Variants in EPHA6 observed in about 807,000 individuals in gnomAD.
EPHA6 encodes ephrin type-A receptor 6.
A neutral mutation model predicts 112.0 loss-of-function variants in EPHA6; 50 were observed. The ratio of observed to expected loss-of-function variants is 0.45; its 90% CI spans 0.36 to 0.56. The LOEUF is 0.56. Ranked by LOEUF, EPHA6 falls within the 20% of genes least tolerant of loss-of-function variation. EPHA6 has a pLI of 0.00. For missense variants in EPHA6, 1,280 were observed against 1,417.4 expected (o/e 0.90, Z 1.56); for synonymous variants, 529 against 490.7 (o/e 1.08, Z -1.03).
chr3:96,871,422 A>G (rs2036616279), intron 2 of EPHA6, among the ~76,000 whole-genome samples: 1 of 152,012 alleles, frequency 6.6e-6, no homozygotes, highest in Non-Finnish European at 1.5e-5. Context: ...AACCCCAAAT[A>G]TTTTAAAGAA....
chr3:97,465,328 A>T (rs2091017585), intron 7 of EPHA6, among the ~76,000 whole-genome samples: 1 of 152,104 alleles, frequency 6.6e-6, no homozygotes. Flanking sequence ...AGTAGTAAAT[A>T]GTAGGGCAAT....
intron 3 of EPHA6, among the ~76,000 whole-genome samples, chr3:97,048,989 C>A (rs908738273): frequency 2.0e-5 from 3 of 152,038 alleles, no homozygotes; most frequent in African/African-American, 7.2e-5. Flanking sequence ...GTGAGGGAGT[C>A]CCCTGGGATA....
chr3:97,476,646 A>G (rs771957280), intron 8 of EPHA6, among the ~76,000 whole-genome samples: 1 of 152,144 alleles, frequency 6.6e-6, no homozygotes, highest in Non-Finnish European at 1.5e-5. Flanking sequence ...AGTACTTTGC[A>G]TGTATCAAAT....
chr3:96,989,827 A>G (rs2043152345), intron 3 of EPHA6, among the ~76,000 whole-genome samples: 1 of 152,116 alleles, frequency 6.6e-6, no homozygotes, highest in Admixed American at 6.6e-5. Flanking sequence ...CCATGATTCA[A>G]TCACTTCCCA....
chr3:96,922,289 T>C (rs2039807610), intron 2 of EPHA6, among the ~76,000 whole-genome samples: 1 of 152,196 alleles, frequency 6.6e-6, no homozygotes, highest in Non-Finnish European at 1.5e-5. Flanking sequence ...ACCACTGTTT[T>C]TCAGAACTTA....
intron 5 of EPHA6, among the ~76,000 whole-genome samples, chr3:97,349,412 A>G (rs1352705398): frequency 6.6e-6 from 1 of 151,888 alleles, no homozygotes; most frequent in Non-Finnish European, 1.5e-5. Flanking sequence ...CTAATCAACA[A>G]CTCCTCACAC....
At chr3:96,962,242 G>A (rs1031226583) in intron 2 of EPHA6, among the ~76,000 whole-genome samples, 7 of 152,000 alleles carry the variant, frequency 4.6e-5, no homozygotes. Flanking sequence ...ATCTCCCACA[G>A]AACAGTGAAA....
At chr3:97,498,538 A>C (rs1242514856) in intron 10 of EPHA6, among the ~76,000 whole-genome samples, 1 of 152,132 alleles carries the variant, frequency 6.6e-6, no homozygotes, top group Non-Finnish European at 1.5e-5. Flanking sequence ...AGTAAATTTG[A>C]AAGTACAATT....
Position 97,758,904 on chromosome 3 carries a change from A to C in EPHA6, c.*10203A>C, listed in dbSNP as rs1293953305. On this transcript the variant is annotated 3_prime_UTR_variant, in exon 18 of 18. Coordinates refer to ENST00000389672, the MANE Select transcript of EPHA6 (RefSeq NM_001080448.3). ...TACACTGAAATGAGGCAAAAAGAGG[A>C]GAAGGTATACGCATGAGGCTACTGG... 6.6e-6 allele frequency among the ~76,000 whole-genome samples: 1 copy of C among 151,964 alleles called. No individual in the cohort carries two copies. The highest frequency in any genetic ancestry group is 1.5e-5 in the Non-Finnish European group (1 of 67,876).
At chr3:97,557,215 G>A (rs556833158) in intron 11 of EPHA6, among the ~76,000 whole-genome samples, 31 of 152,040 alleles carry the variant, frequency 2.0e-4, no homozygotes, top group African/African-American at 7.2e-4. Flanking sequence ...TAGCAATTTA[G>A]AATTCTTCTG....
chr3:97,065,070 A>G (rs1047904507), intron 3 of EPHA6, among the ~76,000 whole-genome samples: 1 of 152,136 alleles, frequency 6.6e-6, no homozygotes, highest in Non-Finnish European at 1.5e-5. Context: ...TATGAAAATT[A>G]ATACCTTAAG....
chr3:97,475,155 A>T (rs2091333532), intron 7 of EPHA6, among the ~76,000 whole-genome samples, 197 bp from the exon 8 acceptor site: 1 of 152,032 alleles, frequency 6.6e-6, no homozygotes, highest in African/African-American at 2.4e-5. Context: ...GTTGTGGGTT[A>T]TGGCCCCAAC....
At chr3:97,579,898 T>C (rs1036544850) in intron 11 of EPHA6, among the ~76,000 whole-genome samples, 1 of 152,134 alleles carries the variant, frequency 6.6e-6, no homozygotes, top group East Asian at 1.9e-4. Context: ...AAAAAAACTA[T>C]TAACACAACA....
At chr3:96,993,382 C>T (rs528103392) in intron 3 of EPHA6, among the ~76,000 whole-genome samples, 6 of 151,704 alleles carry the variant, frequency 4.0e-5, no homozygotes, top group African/African-American at 1.2e-4. Context: ...CTGCAACTTC[C>T]GCCTCCTGGG....
intron 10 of EPHA6, among the ~76,000 whole-genome samples, chr3:97,515,887 T>C (rs2092440455): frequency 6.6e-6 from 1 of 152,016 alleles, no homozygotes; most frequent in Non-Finnish European, 1.5e-5. Flanking sequence ...AAAATGATGT[T>C]TTTTTCTTAA....
chr3:97,629,035 A>T (rs2093881724), intron 13 of EPHA6, among the ~76,000 whole-genome samples: 1 of 151,924 alleles, frequency 6.6e-6, no homozygotes, highest in Admixed American at 6.6e-5. Context: ...TGGGCTTGAA[A>T]TTCTCCCAAC....
intron 2 of EPHA6, among the ~76,000 whole-genome samples, chr3:96,941,994 T>A (rs1018459305): frequency 2.6e-5 from 4 of 152,182 alleles, no homozygotes; most frequent in African/African-American, 9.7e-5. Flanking sequence ...CAGAGGAGTA[T>A]GCAGTCGTGT....
chr3:97,749,883 T>C lies in EPHA6; in HGVS notation c.*1182T>C, dbSNP rs1270780190. Among the ~76,000 whole-genome samples the C allele has an allele frequency of 6.6e-6, 1 of 152,184 alleles. No individual in the cohort carries two copies. The highest frequency in any genetic ancestry group is 1.9e-4 in the East Asian group (1 of 5,196). On this transcript the variant is annotated 3_prime_UTR_variant, in exon 18 of 18. Coordinates refer to ENST00000389672, the MANE Select transcript of EPHA6 (RefSeq NM_001080448.3). Reference sequence around the variant, plus strand: ...AAACCTTCTAAGAAATAAGTATGAATACTCCAAAGAGCATATAAACAGATC... The same window carrying C: ...AAACCTTCTAAGAAATAAGTATGAACACTCCAAAGAGCATATAAACAGATC...
chr3:97,185,404 A>G (rs952003283), intron 3 of EPHA6, among the ~76,000 whole-genome samples: 32 of 152,306 alleles, frequency 2.1e-4, no homozygotes, highest in African/African-American at 7.5e-4. Context: ...AAGTGGGTGA[A>G]GGATATGAAC....
Sources: gnomAD v4.1 joint callset for allele counts (sites outside exome capture counted in the v4.1 genomes callset) on GRCh38, gnomAD v4.1.1 for gene constraint, MANE v1.5 for transcripts, NCBI Gene and HGNC (gene_info 2026-07-23, HGNC 2026-07-21) for gene names.